The following HHIP variants were observed in gnomAD, a reference collection of about 807,000 sequenced individuals.
HHIP encodes the protein hedgehog-interacting protein.
Under a neutral mutation model 74.0 loss-of-function variants are expected in HHIP, and 12 were observed. The observed-to-expected ratio is 0.16, with a 90% CI of 0.10 to 0.26. The LOEUF (loss-of-function observed/expected upper bound fraction) is 0.26. HHIP is among the 10% of genes least tolerant of loss of function. HHIP has a pLI of 1.00. For synonymous variants in HHIP, 309 were observed against 311.6 expected (o/e 0.99, Z 0.09); for missense variants, 788 against 845.0 (o/e 0.93, Z 0.84).
intron 4 of HHIP, among the ~76,000 whole-genome samples, chr4:144,700,790 T>A (rs993803371): frequency 5.3e-5 from 8 of 152,194 alleles, no homozygotes; most frequent in Admixed American, 3.9e-4. Context: ...TGAACTCTAA[T>A]CTACAAATTA....
chr4:144,696,800 A>C (rs1278499370), intron 4 of HHIP, among the ~76,000 whole-genome samples: 1 of 151,894 alleles, frequency 6.6e-6, no homozygotes, highest in African/African-American at 2.4e-5. Flanking sequence ...CACTCAGCAC[A>C]GTCTCTGTCA....
intron 4 of HHIP, among the ~76,000 whole-genome samples, chr4:144,696,912 G>A (rs895953459): frequency 1.3e-5 from 2 of 151,884 alleles, no homozygotes; most frequent in Non-Finnish European, 2.9e-5. Context: ...GAAATACCAC[G>A]ATGTGGTCTC....
rs748884606 is a variant in HHIP at position 144,646,903 on chromosome 4, G to A, written c.228G>A (p.Leu76=). ...EMLCGGFYPR[L]SCCLRSDSPG... ...TGTGCGGTGGCTTCTACCCTCGGCT[G>A]TCCTGCTGCCTGCGGAGTGACAGCC... The change falls in exon 1 of 13, where the codon CTG becomes CTA. Residue 76 remains leucine, a synonymous_variant. Coordinates refer to ENST00000296575, the MANE Select transcript of HHIP (RefSeq NM_022475.3). 2.5e-6 allele frequency: 4 copies of A among 1,613,766 alleles called. No individual in the cohort carries two copies. Among genetic ancestry groups the A allele is most frequent in the Non-Finnish European group, 3.4e-6 (4 of 1,179,810 alleles).
chr4:144,660,217 ATTCT>A (rs1265608321), intron 4 of HHIP: 2 of 288,160 alleles, frequency 6.9e-6, no homozygotes, highest in Non-Finnish European at 1.3e-5. Context: ...ATTGCAAATC[ATTCT>A]TTCACCATCT....
At chr4:144,680,285 A>G (rs1179102231) in intron 4 of HHIP, among the ~76,000 whole-genome samples, 1 of 152,190 alleles carries the variant, frequency 6.6e-6, no homozygotes, top group Non-Finnish European at 1.5e-5. Context: ...CCATTCTAAA[A>G]GCAATGTTTA....
rs761919082 is a variant in HHIP, at chr4:144,652,710, G to C, written c.385G>C (p.Glu129Gln). ...SQSLFHSPER[E>Q]VLERDLVLPL... is the part of the protein sequence containing the mutation. ...AAGCCTGTTCCACTCACCTGAGAGA[G>C]AAGTCTTGGAAAGAGACCTAGTACT... The change falls in exon 2 of 13, where the codon GAA (glutamate) becomes CAA (glutamine). Residue 129 changes from glutamate to glutamine, a missense_variant. Transcript: ENST00000296575. The C allele has an allele frequency of 1.2e-6, 2 of 1,612,550 alleles. No individual in the cohort carries two copies. Among genetic ancestry groups the C allele is most frequent in the Non-Finnish European group, 1.7e-6 (2 of 1,178,714 alleles).
Position 144,738,523 on chromosome 4 carries a change from CT to C in HHIP, c.*571del. ...CAGTTACAGAATGCTACACACTTACCTTTTTATTGGCTGAGAAATCTGGTTA... is the reference window on the plus strand; with the variant it reads ...CAGTTACAGAATGCTACACACTTACCTTTTATTGGCTGAGAAATCTGGTTA... On this transcript the variant is annotated 3_prime_UTR_variant, in exon 13 of 13. Transcript: ENST00000296575. 1.0e-6 allele frequency: 1 copy of C among 961,786 alleles called. No individual in the cohort carries two copies. The allele number at this position is 961,786 out of a possible 1,614,324, so 59.6% of individuals were successfully genotyped here.
At chr4:144,691,456 T>C (rs1487596517) in intron 4 of HHIP, among the ~76,000 whole-genome samples, 1 of 152,210 alleles carries the variant, frequency 6.6e-6, no homozygotes, top group Non-Finnish European at 1.5e-5. Flanking sequence ...TTGCTGACAT[T>C]TGTGTCCATA....
At chr4:144,724,398 G>A (rs1429520383) in intron 11 of HHIP, among the ~76,000 whole-genome samples, 2 of 151,978 alleles carry the variant, frequency 1.3e-5, no homozygotes, top group African/African-American at 4.8e-5. Context: ...TTTATAAAAT[G>A]CAAAACTACT....
intron 4 of HHIP, chr4:144,660,100 C>A (rs1728670650): frequency 1.9e-6 from 1 of 526,414 alleles, no homozygotes; most frequent in African/African-American, 1.9e-5. Context: ...TTAAAGGAAT[C>A]TTTGGCTTTA....
intron 2 of HHIP, among the ~76,000 whole-genome samples, chr4:144,655,611 A>ACCCCGGCCAGTTAGCTTACAC: frequency 6.6e-6 from 1 of 152,112 alleles, no homozygotes; most frequent in Non-Finnish European, 1.5e-5. Context: ...GCCATTCCTA[A>ACCCCGGCCAGTTAGCTTACAC]CCCCGGCCAG....
chr4:144,734,666 C>A, intron 11 of HHIP, 75 bp from the exon 12 acceptor site: 3 of 1,236,662 alleles, frequency 2.4e-6, no homozygotes, highest in Non-Finnish European at 3.3e-6. Context: ...CTTTGTAAGC[C>A]ACAGAATCAC....
intron 4 of HHIP, among the ~76,000 whole-genome samples, chr4:144,681,494 C>T (rs985835635): frequency 4.9e-5 from 7 of 144,120 alleles, no homozygotes; most frequent in African/African-American, 1.5e-4. Flanking sequence ...GGCGTAATCT[C>T]GGCTCACTGC....
rs117424145 is a variant in HHIP at position 144,669,411 on chromosome 4, G to A, written c.831+9573G>A. Among the ~76,000 whole-genome samples the A allele has an allele frequency of 4.7e-4, 71 of 152,220 alleles. 1 individual carries two copies. In the East Asian group the frequency reaches 0.014, roughly 29 times the overall value. ...GGCACTCAGGAATTATCATCAGAAG[G>A]GAGGTCAAATTGGAATCCTTTATCT... On this transcript the variant is annotated intron_variant, in intron 4 of 12. Coordinates refer to ENST00000296575, the MANE Select transcript of HHIP (RefSeq NM_022475.3).
At chr4:144,693,037 C>A (rs1257174991) in intron 4 of HHIP, among the ~76,000 whole-genome samples, 1 of 152,094 alleles carries the variant, frequency 6.6e-6, no homozygotes, top group Non-Finnish European at 1.5e-5. Flanking sequence ...GAGTGATGTG[C>A]TGGAATCTGA....
At chr4:144,688,551 G>A (rs1435175472) in intron 4 of HHIP, among the ~76,000 whole-genome samples, 2 of 152,152 alleles carry the variant, frequency 1.3e-5, no homozygotes, top group Admixed American at 6.5e-5. Flanking sequence ...CTAAATATTA[G>A]AACTTATGGG....
chr4:144,687,170 G>A (rs1443141250), intron 4 of HHIP, among the ~76,000 whole-genome samples: 1 of 152,130 alleles, frequency 6.6e-6, no homozygotes, highest in Non-Finnish European at 1.5e-5. Flanking sequence ...CTGTCTAGGT[G>A]TCAGCCATCC....
At position 144,744,556 on chromosome 4, in the gene HHIP, G is replaced by A. The variant is rs1731334499; in HGVS notation, c.*6599G>A. Reference sequence around the variant, plus strand: ...CAGGGCTATCATATGTACTAGGTGAGATTTCTATAAATGTCTGAAAAGTTA... The same window carrying A: ...CAGGGCTATCATATGTACTAGGTGAAATTTCTATAAATGTCTGAAAAGTTA... On this transcript the variant is annotated 3_prime_UTR_variant, in exon 13 of 13. Coordinates refer to ENST00000296575, the MANE Select transcript of HHIP (RefSeq NM_022475.3). 1 of 152,186 alleles carries A rather than the reference G, an allele frequency of 6.6e-6. No individual in the cohort carries two copies. Among genetic ancestry groups the A allele is most frequent in the Non-Finnish European group, 1.5e-5 (1 of 68,032 alleles). 9.4% of individuals were successfully genotyped at this position (152,186 alleles called of 1,614,324 possible). A position where few individuals can be genotyped will look rare whatever the true frequency, so the allele number is the denominator to read the frequency against.
rs922598997 is a variant in HHIP at position 144,739,740 on chromosome 4, A to G, written c.*1783A>G. ...GCATGCATAATTTTGCACAATTTAG[A>G]TTCAATTGACAGTCTATTCAAAGAA... On this transcript the variant is annotated 3_prime_UTR_variant, in exon 13 of 13. Transcript: ENST00000296575. The G allele has an allele frequency of 6.6e-6, 1 of 152,206 alleles. No homozygotes were observed. The highest frequency in any genetic ancestry group is 1.5e-5 in the Non-Finnish European group (1 of 68,034). The allele number at this position is 152,206 out of a possible 1,614,324, so 9.4% of individuals were successfully genotyped here.
Sources: gnomAD v4.1 joint callset for allele counts (sites outside exome capture counted in the v4.1 genomes callset) on GRCh38, gnomAD v4.1.1 for gene constraint, MANE v1.5 for transcripts, NCBI Gene and HGNC (gene_info 2026-07-23, HGNC 2026-07-21) for gene names.